The following TOM1L2 variants were observed in gnomAD, a reference collection of about 807,000 sequenced individuals.
TOM1L2 encodes the protein TOM1-like protein 2.
A neutral mutation model predicts 67.9 loss-of-function variants in TOM1L2; 31 were observed. The observed-to-expected ratio is 0.46, with a 90% CI of 0.34 to 0.62. The LOEUF is 0.62. Among genes scored for constraint, TOM1L2 ranks in the 20% least tolerant of loss-of-function variants. The pLI is 0.01. For missense variants in TOM1L2, 606 were observed against 663.5 expected (o/e 0.91, Z 0.95); for synonymous variants, 256 against 254.0 (o/e 1.01, Z -0.07).
intron 1 of TOM1L2, among the ~76,000 whole-genome samples, chr17:17,953,088 G>A (rs2041277891): frequency 6.6e-6 from 1 of 152,086 alleles, no homozygotes; most frequent in Non-Finnish European, 1.5e-5. Flanking sequence ...GAGACCGCCT[G>A]GCCAACATGG....
intron 11 of TOM1L2, 178 bp downstream of exon 11, chr17:17,862,553 G>T: frequency 3.3e-6 from 2 of 612,488 alleles, no homozygotes; most frequent in Non-Finnish European, 5.8e-6. Context: ...GGGGGAGGAG[G>T]TGGGCAGTTG....
intron 1 of TOM1L2, among the ~76,000 whole-genome samples, chr17:17,918,007 GTCT>G (rs1272983891): frequency 6.6e-6 from 1 of 152,010 alleles, no homozygotes; most frequent in African/African-American, 2.4e-5. Context: ...ATATATTTAT[GTCT>G]TCTTTCTTCT....
intron 1 of TOM1L2, among the ~76,000 whole-genome samples, chr17:17,930,671 A>C (rs2040294179): frequency 6.6e-6 from 1 of 152,188 alleles, no homozygotes; most frequent in Non-Finnish European, 1.5e-5. Context: ...TTTACTTCCA[A>C]AAGGAATTTA....
chr17:17,866,181 C>T, intron 10 of TOM1L2, 115 bp downstream of exon 10: 2 of 1,270,650 alleles, frequency 1.6e-6, no homozygotes, highest in Non-Finnish European at 2.1e-6. Context: ...TACACTTTCA[C>T]ATGTATTTCC....
At chr17:17,962,131 T>G (rs1319136436) in intron 1 of TOM1L2, among the ~76,000 whole-genome samples, 1 of 152,190 alleles carries the variant, frequency 6.6e-6, no homozygotes, top group African/African-American at 2.4e-5. Context: ...AAATACTATA[T>G]GATTCCATTT....
At chr17:17,949,820 T>G (rs779175243) in intron 1 of TOM1L2, among the ~76,000 whole-genome samples, 2 of 150,280 alleles carry the variant, frequency 1.3e-5, no homozygotes. Flanking sequence ...GGCAATGTTA[T>G]AACACTGAAT....
At chr17:17,894,846 G>A (rs536854548) in intron 3 of TOM1L2, among the ~76,000 whole-genome samples, 6 of 152,264 alleles carry the variant, frequency 3.9e-5, no homozygotes, top group Admixed American at 1.3e-4. Flanking sequence ...CAGGAGAATC[G>A]CTTGAACCTG....
chr17:17,938,911 G>A lies in TOM1L2; in HGVS notation c.53-31380C>T, dbSNP rs372993437. ...ATAATTCTCACTTTCTATACACTGG[G>A]GTGGGGCCGCCCAGAGAAGCTAAAT... On this transcript the variant is annotated intron_variant, in intron 1 of 14. Transcript: ENST00000379504. Among the ~76,000 whole-genome samples, 6 of 151,934 alleles carry A rather than the reference G, an allele frequency of 3.9e-5. No individual in the cohort carries two copies. The East Asian group carries it at 7.7e-4, about 20-fold the overall frequency.
chr17:17,905,355 G>C (rs1026824716), intron 2 of TOM1L2, among the ~76,000 whole-genome samples: 3 of 152,138 alleles, frequency 2.0e-5, no homozygotes, highest in Non-Finnish European at 4.4e-5. Flanking sequence ...TCCACCTCAG[G>C]AAACAGCAGC....
chr17:17,938,628 T>C (rs1053625823), intron 1 of TOM1L2, among the ~76,000 whole-genome samples: 61 of 152,192 alleles, frequency 4.0e-4, no homozygotes, highest in African/African-American at 1.4e-3. Flanking sequence ...ACCCACATAC[T>C]CATAAATGCA....
At chr17:17,876,663 A>C (rs1436148136) in intron 7 of TOM1L2, among the ~76,000 whole-genome samples, 1 of 152,170 alleles carries the variant, frequency 6.6e-6, no homozygotes, top group Non-Finnish European at 1.5e-5. Flanking sequence ...GCAAGTGATC[A>C]CTCCAGTCTA....
At chr17:17,963,904 T>C (rs545920217) in intron 1 of TOM1L2, among the ~76,000 whole-genome samples, 2 of 152,334 alleles carry the variant, frequency 1.3e-5, no homozygotes, top group South Asian at 2.1e-4. Flanking sequence ...AAGCACATTA[T>C]CTCATTTAAT....
intron 1 of TOM1L2, among the ~76,000 whole-genome samples, chr17:17,929,294 G>A (rs114549536): frequency 0.025 from 3,757 of 152,248 alleles, 126 homozygotes; most frequent in African/African-American, 0.08. Context: ...GCTTAGAGCT[G>A]CTTTGAGCAG....
intron 7 of TOM1L2, chr17:17,869,764 C>A (rs972107874): frequency 8.1e-6 from 8 of 986,680 alleles, no homozygotes; most frequent in Non-Finnish European, 1.0e-5. Context: ...GTGATTCTTT[C>A]CAGATTGCTT....
intron 11 of TOM1L2, 42 bp downstream of exon 11, chr17:17,862,686 TCCC>T (rs2036623218): frequency 2.0e-6 from 3 of 1,510,850 alleles, no homozygotes; most frequent in Non-Finnish European, 2.8e-6. Flanking sequence ...CATGGGTCAA[TCCC>T]CCCAATATCT....
chr17:17,946,126 C>A (rs1473844578), intron 1 of TOM1L2, among the ~76,000 whole-genome samples: 1 of 152,118 alleles, frequency 6.6e-6, no homozygotes, highest in African/African-American at 2.4e-5. Flanking sequence ...AATCTGCCTG[C>A]CTCAGCCTCC....
chr17:17,927,549 T>C (rs919004723), intron 1 of TOM1L2, among the ~76,000 whole-genome samples: 3 of 152,208 alleles, frequency 2.0e-5, no homozygotes, highest in Non-Finnish European at 2.9e-5. Flanking sequence ...CTCGTGAGAA[T>C]GGCCACAGAA....
chr17:17,866,041 C>T lies in TOM1L2; in HGVS notation c.1084+255G>A, dbSNP rs569939974. Among the ~76,000 whole-genome samples the T allele has an allele frequency of 4.1e-4, 63 of 152,206 alleles. 1 individual carries two copies. Among genetic ancestry groups the T allele is most frequent in the Admixed American group, 1.4e-3 (21 of 15,288 alleles). ...ACGGGCGTGAGCCACTGCGCACGGCCGTGACCTTTCTTTAATTCATTGGAA... is the reference window on the plus strand; with the variant it reads ...ACGGGCGTGAGCCACTGCGCACGGCTGTGACCTTTCTTTAATTCATTGGAA... On this transcript the variant is annotated intron_variant, in intron 10 of 14. Coordinates refer to ENST00000379504, the MANE Select transcript of TOM1L2 (RefSeq NM_001082968.2).
intron 2 of TOM1L2, among the ~76,000 whole-genome samples, chr17:17,904,875 C>A (rs891679383): frequency 2.0e-5 from 3 of 152,222 alleles, no homozygotes; most frequent in African/African-American, 4.8e-5. Flanking sequence ...TTGATACCCA[C>A]CTTTCCCTCT....
Sources: allele counts gnomAD v4.1 joint callset (sites outside exome capture counted in the v4.1 genomes callset), GRCh38; gene constraint gnomAD v4.1.1; transcripts MANE v1.5; gene names NCBI Gene and HGNC (gene_info 2026-07-23, HGNC 2026-07-21).